The following IQGAP2 variants were observed in gnomAD, a reference collection of about 807,000 sequenced individuals.
The protein encoded by IQGAP2 is ras GTPase-activating-like protein IQGAP2.
In IQGAP2, 173 loss-of-function variants were observed where a neutral mutation model predicts 201.3. The observed-to-expected ratio is 0.86, with a 90% CI of 0.76 to 0.98. IQGAP2 has a LOEUF of 0.98. IQGAP2 is among the 50% of genes least tolerant of loss of function. The probability of loss-of-function intolerance (pLI) is 0.00; values close to 1 mark genes in which losing one functional copy is unlikely to be tolerated. For synonymous variants in IQGAP2, 675 were observed against 673.9 expected, an observed-to-expected ratio of 1.00 and a Z score of -0.03; for missense variants, 1,687 against 1,864.8, an observed-to-expected ratio of 0.90 and a Z score of 1.76.
chr5:76,644,773 T>A (rs963719032), intron 17 of IQGAP2, among the ~76,000 whole-genome samples: 1 of 152,100 alleles, frequency 6.6e-6, no homozygotes, highest in African/African-American at 2.4e-5. Flanking sequence ...AACTAAAACT[T>A]ACAGACTAAA....
chr5:76,567,376 C>T (rs1052980636), intron 3 of IQGAP2, among the ~76,000 whole-genome samples: 5 of 152,174 alleles, frequency 3.3e-5, no homozygotes, highest in Admixed American at 6.5e-5. Context: ...GCAAATATTC[C>T]AGAATTTGTA....
intron 1 of IQGAP2, among the ~76,000 whole-genome samples, chr5:76,428,046 T>TG (rs144033025): frequency 0.014 from 2,187 of 152,226 alleles, 64 homozygotes; most frequent in African/African-American, 0.048. Context: ...ACCCTCTGAA[T>TG]GGGCACTGAA....
rs193013079 is a variant in IQGAP2 at position 76,670,335 on chromosome 5, C to T, written c.2844-1424C>T. 1.9e-3 allele frequency among the ~76,000 whole-genome samples: 283 copies of T among 152,126 alleles called. 3 individuals carry two copies. The Middle Eastern group carries it at 0.02, about 11-fold the overall frequency. ...GACATACTGGCTAACATGGTGAAAC[C>T]CCATTTCTACTAAAAATACAAAAAC... On this transcript the variant is annotated intron_variant, in intron 23 of 35. Transcript: ENST00000274364.
In IQGAP2 at chr5:76,611,126, A is replaced by T. The variant is rs34535949; in HGVS notation, c.1464A>T (p.Pro488=). Residue 488 remains proline (P), a synonymous_variant, in exon 13 of 36, where the codon CCA becomes CCT. Transcript: ENST00000274364. ...LPTANISDVD[P]AHAQHYQDVL... is the part of the protein sequence containing the mutation. ...CTGCGAATATTAGTGATGTGGACCC[A>T]GCCCATGCCCAGCACTACCAGGATG... The T allele has an allele frequency of 6.8e-5, 109 of 1,614,078 alleles. 1 individual carries two copies. The African/African-American group carries it at 9.5e-4, about 14-fold the overall frequency.
intron 2 of IQGAP2, among the ~76,000 whole-genome samples, chr5:76,473,040 T>G (rs1355915172): frequency 6.6e-6 from 1 of 152,216 alleles, no homozygotes; most frequent in Non-Finnish European, 1.5e-5. Context: ...TTGGAAAAAC[T>G]TAAGTAATTT....
intron 33 of IQGAP2, among the ~76,000 whole-genome samples, chr5:76,700,288 G>A (rs1016779099): frequency 2.6e-5 from 4 of 152,104 alleles, no homozygotes; most frequent in Non-Finnish European, 5.9e-5. Flanking sequence ...CCTTAAGGTG[G>A]AATTAAGAGT....
At chr5:76,568,320 G>A (rs759002914) in intron 3 of IQGAP2, among the ~76,000 whole-genome samples, 33 of 152,086 alleles carry the variant, frequency 2.2e-4, no homozygotes, top group African/African-American at 1.7e-4. Context: ...AAAGGTAAAC[G>A]AAAGTTCCAA....
intron 5 of IQGAP2, among the ~76,000 whole-genome samples, chr5:76,582,526 T>C (rs1745941542): frequency 6.6e-6 from 1 of 152,224 alleles, no homozygotes; most frequent in Non-Finnish European, 1.5e-5. Flanking sequence ...GAGGCTTTGA[T>C]ATACAAACAT....
intron 11 of IQGAP2, among the ~76,000 whole-genome samples, chr5:76,603,948 T>A (rs1747609777): frequency 6.6e-6 from 1 of 152,174 alleles, no homozygotes; most frequent in South Asian, 2.1e-4. Flanking sequence ...TGGAAAAGCC[T>A]GTGGAGTTCT....
intron 1 of IQGAP2, among the ~76,000 whole-genome samples, chr5:76,426,135 A>T (rs1751982139): frequency 6.6e-6 from 1 of 152,214 alleles, no homozygotes; most frequent in East Asian, 1.9e-4. Flanking sequence ...GGGCCAAATT[A>T]GACATAATTG....
At chr5:76,636,902 C>G in intron 15 of IQGAP2, 132 bp from the exon 16 acceptor site, 1 of 606,006 alleles carries the variant, frequency 1.7e-6, no homozygotes. Flanking sequence ...GTTAGTGGGT[C>G]ACTTCTGATG....
chr5:76,442,072 A>G (rs150295404), intron 1 of IQGAP2, among the ~76,000 whole-genome samples: 2 of 152,330 alleles, frequency 1.3e-5, no homozygotes, highest in East Asian at 3.9e-4. Context: ...TCATAGATGA[A>G]GTAGCTGATT....
chr5:76,506,823 A>T (rs1244918954), intron 2 of IQGAP2, among the ~76,000 whole-genome samples: 1 of 152,214 alleles, frequency 6.6e-6, no homozygotes, highest in Non-Finnish European at 1.5e-5. Flanking sequence ...CATGTACAAG[A>T]TCTATGTGAG....
At chr5:76,436,843 T>C (rs975619863) in intron 1 of IQGAP2, among the ~76,000 whole-genome samples, 2 of 151,798 alleles carry the variant, frequency 1.3e-5, no homozygotes, top group African/African-American at 2.4e-5. Flanking sequence ...TATGGTTTTG[T>C]ATTTAATTCT....
intron 2 of IQGAP2, among the ~76,000 whole-genome samples, chr5:76,508,687 T>C (rs1269906381): frequency 6.6e-6 from 1 of 151,750 alleles, no homozygotes; most frequent in African/African-American, 2.4e-5. Context: ...TGGTTTTTTT[T>C]TTGTTTTGTT....
At chr5:76,672,114 C>T in intron 24 of IQGAP2, 131 bp downstream of exon 24, 1 of 666,996 alleles carries the variant, frequency 1.5e-6, no homozygotes, top group South Asian at 2.0e-5. Context: ...TGTTACCTCC[C>T]TTTAACATAT....
chr5:76,662,834 A>T (rs552921302), intron 21 of IQGAP2, among the ~76,000 whole-genome samples: 3 of 152,138 alleles, frequency 2.0e-5, no homozygotes, highest in Non-Finnish European at 4.4e-5. Flanking sequence ...TTGCTTTTTT[A>T]AAAATGTTAT....
Position 76,574,031 on chromosome 5 carries a change from T to C in IQGAP2, c.382-1662T>C, listed in dbSNP as rs113212121. ...CATTTCTTTAAGTACTTAGTAATTA[T>C]ATATTTTGTAGCTCAAGAAACTTTG... is the stretch of plus-strand genomic sequence containing the variant. On this transcript the variant is annotated intron_variant, in intron 4 of 35. Transcript: ENST00000274364. 4.0e-3 allele frequency among the ~76,000 whole-genome samples: 611 copies of C among 152,294 alleles called. 3 individuals carry two copies. The highest frequency in any genetic ancestry group is 0.018 in the East Asian group (94 of 5,190).
chr5:76,647,518 T>A (rs1439291110), intron 17 of IQGAP2, among the ~76,000 whole-genome samples: 1 of 15,488 alleles, frequency 6.5e-5, no homozygotes, highest in African/African-American at 1.0e-3. Context: ...AGTGAATAAG[T>A]CTCATGAGAT....
Sources: allele counts gnomAD v4.1 joint callset (sites outside exome capture counted in the v4.1 genomes callset), GRCh38; gene constraint gnomAD v4.1.1; transcripts MANE v1.5; gene names NCBI Gene and HGNC (gene_info 2026-07-23, HGNC 2026-07-21).